Variants in GAPDH observed in about 807,000 individuals in gnomAD.
GAPDH encodes the protein glyceraldehyde-3-phosphate dehydrogenase.
In GAPDH, 13 loss-of-function variants were observed where a neutral mutation model predicts 31.2. That is an observed-to-expected ratio of 0.42 (90% CI 0.27 to 0.66). The LOEUF (loss-of-function observed/expected upper bound fraction) is 0.66, where lower values mean the gene tolerates loss of function less well. Among genes scored for constraint, GAPDH ranks in the 30% least tolerant of loss-of-function variants. The pLI, the probability that GAPDH is intolerant of heterozygous loss-of-function variation, is 0.26. For synonymous variants in GAPDH, 211 were observed against 166.9 expected (o/e 1.26, Z -2.04); for missense variants, 300 against 443.7 (o/e 0.68, Z 2.91).
In GAPDH at chr12:6,536,772, C is replaced by G. The variant is rs775584055; in HGVS notation, c.218C>G (p.Pro73Arg). 1.1e-5 allele frequency: 18 copies of G among 1,613,676 alleles called. No individual in the cohort carries two copies. The highest frequency in any genetic ancestry group is 1.4e-5 in the Non-Finnish European group (17 of 1,179,756). Residue 73 changes from proline to arginine, a missense_variant, in exon 4 of 9, where the codon CCC becomes CGC. Transcript: ENST00000229239. ...GGGAAGCTTGTCATCAATGGAAATC[C>G]CATCACCATCTTCCAGGAGTGAGTG... is the stretch of plus-strand genomic sequence containing the variant. ...ENGKLVINGN[P>R]ITIFQERDPS...
intron 2 of GAPDH, chr12:6,535,129 C>T (rs1259231305): frequency 2.2e-6 from 2 of 923,286 alleles, no homozygotes; most frequent in Non-Finnish European, 3.0e-6. Context: ...CCCGAGATCC[C>T]GACCCGGACC....
chr12:6,537,465 G>GT lies in GAPDH; in HGVS notation c.525+76dup. ...ACTGGCTCCTCCCTGCCGGGGCTGCGTGCAACCCTGGGGTTGGGGGTTCTG... is the reference window on the plus strand; with the variant it reads ...ACTGGCTCCTCCCTGCCGGGGCTGCGTTGCAACCCTGGGGTTGGGGGTTCTG... On this transcript the variant is annotated intron_variant, in intron 7 of 8. Coordinates refer to ENST00000229239, the MANE Select transcript of GAPDH (RefSeq NM_002046.7). The surrounding 1 kb of genome is among the most constrained non-coding windows in gnomAD (Gnocchi z 4.9). The GT allele has an allele frequency of 1.3e-6, 2 of 1,578,272 alleles. No individual in the cohort carries two copies. The highest frequency in any genetic ancestry group is 2.2e-5 in the South Asian group (2 of 89,700).
intron 2 of GAPDH, chr12:6,535,339 A>G (rs1243477491): frequency 2.2e-5 from 22 of 992,664 alleles, no homozygotes; most frequent in Non-Finnish European, 2.6e-5. Flanking sequence ...GCCGTTAGGA[A>G]AGCCTGCCGG....
chr12:6,534,923 C>G lies in GAPDH; in HGVS notation c.29+62C>G. ...ACCGCCCCCGAACCGCGTCTACGAG[C>G]CTTGCGGGCTCCGGGTCTTTGCAGT... On this transcript the variant is annotated intron_variant, in intron 2 of 8. Coordinates refer to ENST00000229239, the MANE Select transcript of GAPDH (RefSeq NM_002046.7). 1.9e-6 allele frequency: 3 copies of G among 1,569,634 alleles called. No individual in the cohort carries two copies. The South Asian group carries it at 3.4e-5, about 18-fold the overall frequency.
chr12:6,535,512 C>T (rs1946444108), intron 2 of GAPDH: 8 of 925,820 alleles, frequency 8.6e-6, no homozygotes, highest in Non-Finnish European at 1.0e-5. Context: ...CTTGTGTCCC[C>T]TCCCCGCAGA....
At chr12:6,534,987 T>G (rs1946429357) in intron 2 of GAPDH, 126 bp downstream of exon 2, 1 of 1,133,584 alleles carries the variant, frequency 8.8e-7, no homozygotes. Flanking sequence ...CAAGGAGAGC[T>G]CAAGGTCAGC....
At chr12:6,535,003 GACCTGGCGGAGC>G in intron 2 of GAPDH, 142 bp downstream of exon 2, 1 of 1,009,116 alleles carries the variant, frequency 9.9e-7, no homozygotes. Flanking sequence ...TCAGCGCTCG[GACCTGGCGGAGC>G]CCCGCACCCA....
In GAPDH at chr12:6,537,456, CGGGGCTGCGTGCAACCCT is replaced by C; in HGVS notation, c.525+71_525+88del. Reference sequence around the variant, plus strand: ...TCATCCAAGACTGGCTCCTCCCTGCCGGGGCTGCGTGCAACCCTGGGGTTGGGGGTTCTGGGGACTGGC... The same window carrying C: ...TCATCCAAGACTGGCTCCTCCCTGCCGGGGTTGGGGGTTCTGGGGACTGGC... On this transcript the variant is annotated intron_variant, in intron 7 of 8. Transcript: ENST00000229239. The surrounding 1 kb of genome is among the most constrained non-coding windows in gnomAD (Gnocchi z 4.9). 6.3e-7 allele frequency: 1 copy of C among 1,583,392 alleles called. No individual in the cohort carries two copies.
At chr12:6,535,989 C>T (rs1592184838) in intron 2 of GAPDH, among the ~76,000 whole-genome samples, 1 of 152,200 alleles carries the variant, frequency 6.6e-6, no homozygotes, top group African/African-American at 2.4e-5. Context: ...AATACAGCTT[C>T]CCCTCTTCCC....
chr12:6,537,017 G>T lies in GAPDH; in HGVS notation c.327+7G>T. ...CACCATGGAGAAGGCTGGGGTGAGT[G>T]CAGGAGGGCCCGCGGGAGGGGAAGC... On this transcript the variant is annotated splice_region_variant and intron_variant, in intron 5 of 8. Coordinates refer to ENST00000229239, the MANE Select transcript of GAPDH (RefSeq NM_002046.7). The surrounding 1 kb of genome is among the most constrained non-coding windows in gnomAD (Gnocchi z 4.9). 3 of 1,610,238 alleles carry T rather than the reference G, an allele frequency of 1.9e-6. No homozygotes were observed. The highest frequency in any genetic ancestry group is 2.2e-5 in the East Asian group (1 of 44,552).
chr12:6,537,424 ACCTTTCTCAT>A lies in GAPDH; in HGVS notation c.525+37_525+46del. On this transcript the variant is annotated intron_variant, in intron 7 of 8. Transcript: ENST00000229239. The surrounding 1 kb of genome is among the most constrained non-coding windows in gnomAD (Gnocchi z 4.9). ...GCTGGGGAATGGGACTGAGGCTCCC[ACCTTTCTCAT>A]CCAAGACTGGCTCCTCCCTGCCGGG... is the stretch of plus-strand genomic sequence containing the variant. 1 of 1,597,446 alleles carries A rather than the reference ACCTTTCTCAT, an allele frequency of 6.3e-7. No individual in the cohort carries two copies. Among genetic ancestry groups the A allele is most frequent in the Non-Finnish European group, 8.6e-7 (1 of 1,167,956 alleles).
In GAPDH at chr12:6,534,526, T is replaced by C; in HGVS notation, c.-67T>C. On this transcript the variant is annotated 5_prime_UTR_variant, in exon 1 of 9. Transcript: ENST00000229239. Reference sequence around the variant, plus strand: ...CGCAGCCTCCCGCTTCGCTCTCTGCTCCTCCTGTTCGACAGTCAGCCGCAT... The same window carrying C: ...CGCAGCCTCCCGCTTCGCTCTCTGCCCCTCCTGTTCGACAGTCAGCCGCAT... 2 of 467,678 alleles carry C rather than the reference T, an allele frequency of 4.3e-6. No individual in the cohort carries two copies. The highest frequency in any genetic ancestry group is 7.8e-6 in the Non-Finnish European group (2 of 257,554). The allele number at this position is 467,678 out of a possible 1,614,324, so 29.0% of individuals were successfully genotyped here.
At chr12:6,536,422 G>A in intron 2 of GAPDH, 72 bp from the exon 3 acceptor site, 2 of 1,081,764 alleles carry the variant, frequency 1.8e-6, no homozygotes, top group Middle Eastern at 2.5e-4. Flanking sequence ...TTAATGGGGA[G>A]GTGGCCTAGG....
intron 2 of GAPDH, chr12:6,535,583 A>T: frequency 7.1e-6 from 3 of 424,082 alleles, no homozygotes; most frequent in Non-Finnish European, 9.5e-6. Flanking sequence ...TAGTTGGAAA[A>T]GGACATTTCC....
In GAPDH at chr12:6,536,605, A is replaced by T; in HGVS notation, c.129+12A>T. 1 of 1,611,734 alleles carries T rather than the reference A, an allele frequency of 6.2e-7. No individual in the cohort carries two copies. ...ACCTCAACTACATGGTGAGTGCTAC[A>T]TGGTGAGCCCCAAAGCTGGTGTGGG... On this transcript the variant is annotated intron_variant, in intron 3 of 8. Transcript: ENST00000229239.
intron 1 of GAPDH, 112 bp from the exon 2 acceptor site, chr12:6,534,698 G>A (rs1946418376): frequency 1.1e-6 from 1 of 943,226 alleles, no homozygotes; most frequent in Non-Finnish European, 1.7e-6. Context: ...AGGGGCGGGC[G>A]GAGGACGTGA....
chr12:6,537,209 A>T lies in GAPDH; in HGVS notation c.436A>T (p.Ile146Phe), dbSNP rs138863602. Residue 146 changes from isoleucine to phenylalanine, a missense_variant, in exon 6 of 9, where the codon ATC becomes TTC. Ile to Phe is a conservative substitution (Grantham distance 21). Coordinates refer to ENST00000229239, the MANE Select transcript of GAPDH (RefSeq NM_002046.7). The surrounding 1 kb of genome is among the most constrained non-coding windows in gnomAD (Gnocchi z 4.9). Reference protein sequence around the residue: ...NHEKYDNSLKIISNASCTTNC... With the variant: ...NHEKYDNSLKFISNASCTTNC... ...TGAGAAGTATGACAACAGCCTCAAG[A>T]TCATCAGGTGAGGAAGGCAGGGCCC... 31 of 1,611,814 alleles carry T rather than the reference A, an allele frequency of 1.9e-5. No homozygotes were observed. In the South Asian group the frequency reaches 3.4e-4, roughly 18 times the overall value.
chr12:6,535,261 C>G, intron 2 of GAPDH: 2 of 1,034,642 alleles, frequency 1.9e-6, no homozygotes, highest in Non-Finnish European at 2.3e-6. Flanking sequence ...CGGGTGCATC[C>G]CTGTCCGGAT....
In GAPDH at chr12:6,536,902, TC is replaced by T. The variant is rs761702708; in HGVS notation, c.237-11del. On this transcript the variant is annotated splice_polypyrimidine_tract_variant and intron_variant, in intron 4 of 8. Transcript: ENST00000229239. ...CCCTCAATATGGTCCTGTCCCCATC[TC>T]CCCCCCACCCCCATAGGCGAGATCC... 4.1e-5 allele frequency: 61 copies of T among 1,506,034 alleles called. No homozygotes were observed. Among genetic ancestry groups the T allele is most frequent in the Non-Finnish European group, 4.9e-5 (53 of 1,082,510 alleles). 93.3% of individuals were successfully genotyped at this position (1,506,034 alleles called of 1,614,324 possible). A position where few individuals can be genotyped will look rare whatever the true frequency, so the allele number is the denominator to read the frequency against.
Sources: allele counts gnomAD v4.1 joint callset (sites outside exome capture counted in the v4.1 genomes callset), GRCh38; gene constraint gnomAD v4.1.1; non-coding constraint Gnocchi (gnomAD v3.1); transcripts MANE v1.5; gene names NCBI Gene and HGNC (gene_info 2026-07-23, HGNC 2026-07-21).